KCNMA1: variants seen among roughly 807,000 people sequenced by gnomAD.
KCNMA1 encodes the protein Calcium-activated potassium channel subunit alpha-1.
Under a neutral mutation model 140.0 loss-of-function variants are expected in KCNMA1, and 29 were observed. The observed-to-expected ratio is 0.21, with a 90% CI of 0.15 to 0.28. The LOEUF (loss-of-function observed/expected upper bound fraction) is 0.28, where lower values mean the gene tolerates loss of function less well. KCNMA1 is among the 10% of genes least tolerant of loss of function. The pLI is 1.00. For missense variants in KCNMA1, 880 were observed against 1,602.2 expected (o/e 0.55, Z 7.70); for synonymous variants, 612 against 611.9 (o/e 1.00, Z 0.00).
chr10:76,888,877 C>A (rs2038601528), intron 27 of KCNMA1, among the ~76,000 whole-genome samples: 2 of 151,856 alleles, frequency 1.3e-5, no homozygotes, highest in Non-Finnish European at 2.9e-5. Flanking sequence ...CCAGCCTGGC[C>A]AACAAGCCTT....
At chr10:77,281,556 G>A (rs1292923329) in intron 2 of KCNMA1, among the ~76,000 whole-genome samples, 3 of 152,070 alleles carry the variant, frequency 2.0e-5, no homozygotes, top group Non-Finnish European at 2.9e-5. Context: ...GGCTGTGTCC[G>A]GGCTGACTTT....
At chr10:77,570,588 G>C (rs1281412794) in intron 1 of KCNMA1, among the ~76,000 whole-genome samples, 1 of 50,052 alleles carries the variant, frequency 2.0e-5, no homozygotes, top group Admixed American at 1.6e-4. Flanking sequence ...GGACTGTTGT[G>C]GGGTAGGGGG....
intron 3 of KCNMA1, among the ~76,000 whole-genome samples, chr10:77,195,639 G>A (rs190574612): frequency 6.6e-5 from 10 of 151,402 alleles, no homozygotes; most frequent in African/African-American, 1.7e-4. Context: ...GGTTTCCCCT[G>A]CCCATGTTTC....
intron 13 of KCNMA1, among the ~76,000 whole-genome samples, chr10:77,076,589 G>C (rs1473695899): frequency 6.6e-6 from 1 of 152,198 alleles, no homozygotes; most frequent in East Asian, 1.9e-4. Flanking sequence ...CTGCAGAGTG[G>C]TGGCCATGAT....
intron 1 of KCNMA1, among the ~76,000 whole-genome samples, chr10:77,528,242 C>T (rs374093460): frequency 6.6e-6 from 1 of 152,130 alleles, no homozygotes; most frequent in Non-Finnish European, 1.5e-5. Flanking sequence ...CTCAAGAATC[C>T]AGCAATTTCC....
chr10:77,029,434 C>T (rs1008607211), intron 15 of KCNMA1, among the ~76,000 whole-genome samples: 3 of 152,234 alleles, frequency 2.0e-5, no homozygotes, highest in East Asian at 1.9e-4. Flanking sequence ...CCATTTTACA[C>T]GTGATGAAAC....
At chr10:77,276,622 T>C (rs1438940824) in intron 2 of KCNMA1, among the ~76,000 whole-genome samples, 1 of 152,154 alleles carries the variant, frequency 6.6e-6, no homozygotes, top group Non-Finnish European at 1.5e-5. Flanking sequence ...ATGTCTGTAT[T>C]ATGCGTGAGG....
At chr10:76,910,661 C>T in intron 24 of KCNMA1, 1 of 188,016 alleles carries the variant, frequency 5.3e-6, no homozygotes, top group African/African-American at 2.3e-5. Flanking sequence ...GGTCCACACC[C>T]AATAGGCCCT....
chr10:77,418,286 G>A (rs28735), intron 1 of KCNMA1, among the ~76,000 whole-genome samples: 1 of 151,900 alleles, frequency 6.6e-6, no homozygotes, highest in Non-Finnish European at 1.5e-5. Flanking sequence ...ACTTGGCTCC[G>A]CTAGACCCAT....
At chr10:77,402,782 C>G (rs540403161) in intron 2 of KCNMA1, among the ~76,000 whole-genome samples, 1 of 152,306 alleles carries the variant, frequency 6.6e-6, no homozygotes, top group East Asian at 1.9e-4. Context: ...GGTCTTTGAG[C>G]CTCGCAGGCC....
chr10:77,547,786 A>C (rs904069646), intron 1 of KCNMA1, among the ~76,000 whole-genome samples: 2 of 152,242 alleles, frequency 1.3e-5, no homozygotes, highest in African/African-American at 4.8e-5. Flanking sequence ...GGGCTGACCC[A>C]AAGATAACCA....
chr10:77,046,141 T>C (rs894079610), intron 14 of KCNMA1, among the ~76,000 whole-genome samples: 2 of 152,196 alleles, frequency 1.3e-5, no homozygotes, highest in Non-Finnish European at 2.9e-5. Context: ...CTTACTACAT[T>C]TACTATTTTT....
chr10:77,599,393 C>CA (rs1220411854), intron 1 of KCNMA1, among the ~76,000 whole-genome samples: 1 of 152,194 alleles, frequency 6.6e-6, no homozygotes, highest in African/African-American at 2.4e-5. Context: ...ATGATGGCTG[C>CA]ACCAGAAAAT....
At chr10:76,893,949 CAA>C (rs2041373494) in intron 25 of KCNMA1, among the ~76,000 whole-genome samples, 1 of 152,066 alleles carries the variant, frequency 6.6e-6, no homozygotes. Context: ...ATCAAAATCA[CAA>C]AGTCCATTTT....
intron 1 of KCNMA1, among the ~76,000 whole-genome samples, chr10:77,583,748 A>G (rs553282776): frequency 5.9e-5 from 9 of 152,274 alleles, no homozygotes; most frequent in African/African-American, 2.2e-4. Flanking sequence ...TTGGGGCTTC[A>G]ACCTTGTCAC....
intron 2 of KCNMA1, among the ~76,000 whole-genome samples, chr10:77,267,555 G>A (rs955736179): frequency 1.1e-4 from 17 of 152,114 alleles, no homozygotes; most frequent in African/African-American, 4.1e-4. Context: ...GAGTTATTTG[G>A]TGAAAGAGCA....
At chr10:77,432,944 A>G (rs1438233279) in intron 1 of KCNMA1, among the ~76,000 whole-genome samples, 1 of 152,056 alleles carries the variant, frequency 6.6e-6, no homozygotes, top group Non-Finnish European at 1.5e-5. Context: ...ATTGGGATGG[A>G]GTAGAGATTA....
At chr10:77,382,344 G>C (rs1566438076) in intron 2 of KCNMA1, among the ~76,000 whole-genome samples, 1 of 152,142 alleles carries the variant, frequency 6.6e-6, no homozygotes. Context: ...ACAAGTCTAT[G>C]AAACAGGTGT....
At chr10:77,300,964 C>G (rs950307045) in intron 2 of KCNMA1, among the ~76,000 whole-genome samples, 1 of 152,150 alleles carries the variant, frequency 6.6e-6, no homozygotes, top group African/African-American at 2.4e-5. Flanking sequence ...AAGTGAGGCC[C>G]GGGCATCAGC....
Sources: allele counts gnomAD v4.1 joint callset (sites outside exome capture counted in the v4.1 genomes callset), GRCh38; gene constraint gnomAD v4.1.1; transcripts MANE v1.5; gene names NCBI Gene and HGNC (gene_info 2026-07-23, HGNC 2026-07-21).